RUVBL1: variants seen among roughly 807,000 people sequenced by gnomAD.
RUVBL1 encodes the protein RuvB like AAA ATPase 1, also known as ruvB-like 1.
In RUVBL1, 4 loss-of-function variants were observed where a neutral mutation model predicts 52.4. That is an observed-to-expected ratio of 0.08 (90% CI 0.04 to 0.17). The LOEUF (loss-of-function observed/expected upper bound fraction) is 0.17, where lower values mean the gene tolerates loss of function less well. RUVBL1 is among the 10% of genes least tolerant of loss of function. The pLI, the probability that RUVBL1 is intolerant of heterozygous loss-of-function variation, is 1.00. For missense variants in RUVBL1, 298 were observed against 572.8 expected, an observed-to-expected ratio of 0.52 and a Z score of 4.90; for synonymous variants, 217 against 214.4, an observed-to-expected ratio of 1.01 and a Z score of -0.10.
intron 1 of RUVBL1, among the ~76,000 whole-genome samples, chr3:128,132,695 A>C (rs1487027452): frequency 6.6e-6 from 1 of 152,196 alleles, no homozygotes; most frequent in Non-Finnish European, 1.5e-5. Context: ...GGCAGGATTC[A>C]TCATCTGCTG....
chr3:128,100,890 G>A (rs1454451919), intron 5 of RUVBL1, 146 bp from the exon 6 acceptor site: 4 of 890,530 alleles, frequency 4.5e-6, no homozygotes, highest in Non-Finnish European at 6.8e-6. Flanking sequence ...CCACTCCCCT[G>A]CTGCCAAGAG....
rs370497077 is a variant in RUVBL1 at position 128,069,412 on chromosome 3, T to C, written c.940-4192A>G. The C allele has an allele frequency of 7.4e-5, 112 of 1,504,942 alleles. No individual in the cohort carries two copies. The African/African-American group carries it at 1.2e-3, about 17-fold the overall frequency. 93.2% of individuals were successfully genotyped at this position (1,504,942 alleles called of 1,614,324 possible). ...GGTCCCAAAGTCTCAGGTGAGCCTG[T>C]TGGCCGCCTGGCTCACGGGGAGCTC... On this transcript the variant is annotated intron_variant, in intron 9 of 9. Coordinates refer to the RUVBL1 transcript ENST00000464873.
At chr3:128,065,732 A>ATTTTTTTTT (rs758640768) in intron 9 of RUVBL1, among the ~76,000 whole-genome samples, 25 of 97,500 alleles carry the variant, frequency 2.6e-4, no homozygotes, top group Non-Finnish European at 3.2e-4. Flanking sequence ...ATCATTAAGA[A>ATTTTTTTTT]TTTTTTTTTT....
chr3:128,121,767 T>A (rs1255981612), intron 1 of RUVBL1, among the ~76,000 whole-genome samples: 1 of 148,072 alleles, frequency 6.8e-6, no homozygotes, highest in Non-Finnish European at 1.5e-5. Flanking sequence ...CCCTGTCATA[T>A]CATAATCCCC....
intron 8 of RUVBL1, among the ~76,000 whole-genome samples, chr3:128,093,255 G>A (rs1942889199): frequency 6.6e-6 from 1 of 152,218 alleles, no homozygotes; most frequent in Non-Finnish European, 1.5e-5. Flanking sequence ...ATTATATGGT[G>A]CTATTTATAC....
At chr3:128,069,372 G>T (rs1183175023) in intron 9 of RUVBL1, 5 of 1,041,782 alleles carry the variant, frequency 4.8e-6, no homozygotes, top group African/African-American at 1.6e-5. Context: ...CAGCAGAGGG[G>T]CCTTTGAGGC....
Position 128,108,003 on chromosome 3 carries a change from G to A in RUVBL1, c.362-3079C>T, listed in dbSNP as rs142880736. ...GCTCTGTGCTGACAAGCTGGCAGGG[G>A]ACGTGGGTGACGGACAATGAAACCG... On this transcript the variant is annotated intron_variant, in intron 3 of 10. Coordinates refer to ENST00000322623, the MANE Select transcript of RUVBL1 (RefSeq NM_003707.3). Among the ~76,000 whole-genome samples, 75 of 152,330 alleles carry A rather than the reference G, an allele frequency of 4.9e-4. No individual in the cohort carries two copies. The East Asian group carries it at 0.013, about 27-fold the overall frequency.
At chr3:128,091,697 G>A (rs79398814) in intron 8 of RUVBL1, among the ~76,000 whole-genome samples, 1 of 152,318 alleles carries the variant, frequency 6.6e-6, no homozygotes, top group East Asian at 1.9e-4. Flanking sequence ...CTGTGACACT[G>A]TGGATGTTTT....
chr3:128,107,324 C>A (rs980429609), intron 3 of RUVBL1, among the ~76,000 whole-genome samples: 6 of 152,214 alleles, frequency 3.9e-5, no homozygotes, highest in African/African-American at 1.2e-4. Context: ...CAGTTGAGAT[C>A]CAGTTATCTA....
intron 9 of RUVBL1, chr3:128,068,094 T>G (rs1249412591): frequency 3.9e-6 from 6 of 1,546,012 alleles, no homozygotes; most frequent in African/African-American, 1.4e-5. Context: ...ACCTCCCGTC[T>G]GTGGACATGT....
At chr3:128,098,806 C>G (rs1431233586) in intron 7 of RUVBL1, 76 bp downstream of exon 7, 1 of 1,256,838 alleles carries the variant, frequency 8.0e-7, no homozygotes, top group Non-Finnish European at 1.2e-6. Context: ...ACTGTGCTCA[C>G]AGAGCCGCAA....
At chr3:128,150,187 C>T (rs1354806101) in intron 1 of RUVBL1, among the ~76,000 whole-genome samples, 2 of 152,302 alleles carry the variant, frequency 1.3e-5, no homozygotes, top group Non-Finnish European at 1.5e-5. Flanking sequence ...CAAAGCACTT[C>T]ATCATTATTT....
intron 3 of RUVBL1, among the ~76,000 whole-genome samples, chr3:128,111,894 C>T (rs774299164): frequency 1.3e-5 from 2 of 152,174 alleles, no homozygotes; most frequent in Middle Eastern, 3.2e-3. Context: ...GTGTTCATAA[C>T]CCACGACTCA....
At chr3:128,130,134 T>G (rs1943851340) in intron 1 of RUVBL1, among the ~76,000 whole-genome samples, 1 of 151,980 alleles carries the variant, frequency 6.6e-6, no homozygotes, top group East Asian at 1.9e-4. Context: ...AATAACAAAA[T>G]TGACAAATCT....
intron 1 of RUVBL1, among the ~76,000 whole-genome samples, chr3:128,129,054 G>C (rs1216531644): frequency 1.3e-5 from 2 of 151,972 alleles, no homozygotes; most frequent in East Asian, 3.9e-4. Flanking sequence ...TTCTTTCCTA[G>C]CACAGTTCTC....
At position 128,081,576 on chromosome 3, in the gene RUVBL1, G is replaced by C; in HGVS notation, c.1212-167C>G. The stretch of plus-strand genomic sequence containing the variant: ...GGAGACAAAGTTGTCACTTCTCAGA[G>C]AGCTGCAGTCATTATCCCATCAGAG... On this transcript the variant is annotated intron_variant, in intron 10 of 10. Transcript: ENST00000322623. The surrounding 1 kb of genome is among the most constrained non-coding windows in gnomAD (Gnocchi z 4.8). The C allele has an allele frequency of 1.5e-6, 1 of 672,114 alleles. No individual in the cohort carries two copies. The highest frequency in any genetic ancestry group is 3.0e-5 in the Admixed American group (1 of 33,120). 41.6% of individuals were successfully genotyped at this position (672,114 alleles called of 1,614,324 possible). A position where few individuals can be genotyped will look rare whatever the true frequency, so the allele number is the denominator to read the frequency against.
At chr3:128,127,021 C>G (rs759212137), upstream of RUVBL1, among the ~76,000 whole-genome samples, 1 of 152,150 alleles carries the variant, frequency 6.6e-6, no homozygotes, top group Non-Finnish European at 1.5e-5. Context: ...GCAGCTAGTT[C>G]AATGACAGTC....
chr3:128,133,532 C>T (rs921978231), intron 1 of RUVBL1, among the ~76,000 whole-genome samples: 5 of 144,922 alleles, frequency 3.5e-5, no homozygotes, highest in Admixed American at 1.4e-4. Context: ...CAGCTTCAGA[C>T]AGCTTATCAG....
intron 2 of RUVBL1, among the ~76,000 whole-genome samples, chr3:128,115,892 G>A (rs796922043): frequency 1.3e-4 from 19 of 151,244 alleles, no homozygotes; most frequent in African/African-American, 3.2e-4. Context: ...TTGGGAGGCC[G>A]AGGCAGGTGG....
Sources: gnomAD v4.1 joint callset for allele counts (sites outside exome capture counted in the v4.1 genomes callset) on GRCh38, gnomAD v4.1.1 for gene constraint, Gnocchi (gnomAD v3.1) non-coding constraint, MANE v1.5 for transcripts, NCBI Gene and HGNC (gene_info 2026-07-23, HGNC 2026-07-21) for gene names.